Variants in PLXNA2 observed in about 807,000 individuals in gnomAD.
PLXNA2 encodes the protein plexin-A2.
PLXNA2 carries 91 observed loss-of-function variants against 193.5 expected under a neutral mutation model. That is an observed-to-expected ratio of 0.47 (90% CI 0.40 to 0.56). The LOEUF (loss-of-function observed/expected upper bound fraction) is 0.56. Among genes scored for constraint, PLXNA2 ranks in the 20% least tolerant of loss-of-function variants. The probability of loss-of-function intolerance (pLI) is 0.00; values close to 1 mark genes in which losing one functional copy is unlikely to be tolerated. For synonymous variants in PLXNA2, 997 were observed against 1,027.3 expected, an observed-to-expected ratio of 0.97 and a Z score of 0.56; for missense variants, 1,995 against 2,503.2, an observed-to-expected ratio of 0.80 and a Z score of 4.33.
intron 3 of PLXNA2, among the ~76,000 whole-genome samples, chr1:208,181,330 C>T (rs950548013): frequency 4.6e-5 from 7 of 152,180 alleles, no homozygotes; most frequent in Non-Finnish European, 1.0e-4. Context: ...TGTCTGTTCT[C>T]TGGTCTTTCC....
At chr1:208,140,998 T>C (rs1408389697) in intron 4 of PLXNA2, among the ~76,000 whole-genome samples, 1 of 152,212 alleles carries the variant, frequency 6.6e-6, no homozygotes. Context: ...TTTCCAAGAC[T>C]GTCTTACCCA....
intron 4 of PLXNA2, among the ~76,000 whole-genome samples, chr1:208,139,104 G>T (rs763876867): frequency 3.9e-5 from 6 of 152,204 alleles, no homozygotes; most frequent in Admixed American, 1.3e-4. Context: ...TTTTGGTTTA[G>T]TCTCAGGCCC....
intron 12 of PLXNA2, among the ~76,000 whole-genome samples, chr1:208,074,767 C>T (rs1338213752): frequency 6.6e-6 from 1 of 152,276 alleles, no homozygotes; most frequent in East Asian, 1.9e-4. Context: ...ATTCTGCCAC[C>T]CCCAACTGCC....
intron 29 of PLXNA2, chr1:208,030,781 C>T (rs979477182): frequency 1.2e-5 from 12 of 985,450 alleles, no homozygotes; most frequent in Non-Finnish European, 1.4e-5. Context: ...CCCCTCTCCC[C>T]TCTCTGTGCT....
intron 4 of PLXNA2, among the ~76,000 whole-genome samples, chr1:208,131,575 C>T (rs1462689608): frequency 6.6e-6 from 1 of 152,144 alleles, no homozygotes. Context: ...CTGGATAAGA[C>T]TTAAGATGGG....
At chr1:208,154,491 A>G (rs1300624172) in intron 3 of PLXNA2, among the ~76,000 whole-genome samples, 2 of 152,130 alleles carry the variant, frequency 1.3e-5, no homozygotes, top group Non-Finnish European at 2.9e-5. Context: ...ATCGCACCCA[A>G]AAAGTGGCAG....
intron 4 of PLXNA2, among the ~76,000 whole-genome samples, chr1:208,103,709 T>C (rs1470702011): frequency 2.0e-5 from 3 of 152,242 alleles, no homozygotes; most frequent in South Asian, 2.1e-4. Flanking sequence ...ATTCATAGTA[T>C]GGTACAGACT....
intron 3 of PLXNA2, among the ~76,000 whole-genome samples, chr1:208,149,582 A>G (rs528765616): frequency 3.3e-5 from 5 of 151,530 alleles, no homozygotes; most frequent in Non-Finnish European, 5.9e-5. Context: ...TGGTGTGTGT[A>G]TATTGTGTGT....
intron 3 of PLXNA2, among the ~76,000 whole-genome samples, chr1:208,156,427 A>C (rs1668944451): frequency 6.6e-6 from 1 of 151,812 alleles, no homozygotes; most frequent in African/African-American, 2.4e-5. Context: ...ATCTTATGTA[A>C]ATGATTTACA....
intron 1 of PLXNA2, among the ~76,000 whole-genome samples, chr1:208,240,083 T>C (rs1458685394): frequency 1.3e-5 from 2 of 152,230 alleles, no homozygotes; most frequent in African/African-American, 4.8e-5. Flanking sequence ...TTTGCACTGC[T>C]CAGGCCTCAG....
At position 208,038,983 on chromosome 1, in the gene PLXNA2, A is replaced by C. The variant is rs1664767533; in HGVS notation, c.4502T>G (p.Ile1501Ser). 6.2e-7 allele frequency: 1 copy of C among 1,613,586 alleles called. No homozygotes were observed. The highest frequency in any genetic ancestry group is 8.5e-7 in the Non-Finnish European group (1 of 1,179,742). ...IRQQIEYKTL[I>S]LNCVNPDNEN... ...GTTGTCAGGGTTGACGCAGTTCAGG[A>C]TCTACAAGTAGGGGACAGAGGGTGA... Residue 1501 changes from isoleucine to serine, a missense_variant and splice_region_variant, in exon 25 of 32, where the codon ATC becomes AGC. Physicochemically the swap from Ile to Ser is moderately radical, Grantham distance 142. This residue lies in a region of PLXNA2 where 1,291 missense variants were observed against 1,673.6 expected (regional missense o/e 0.77). Coordinates refer to ENST00000367033, the MANE Select transcript of PLXNA2 (RefSeq NM_025179.4). The surrounding 1 kb of genome is among the most constrained non-coding windows in gnomAD (Gnocchi z 4.1).
intron 4 of PLXNA2, among the ~76,000 whole-genome samples, chr1:208,124,286 G>T (rs921181328): frequency 2.6e-5 from 4 of 152,146 alleles, no homozygotes; most frequent in African/African-American, 9.7e-5. Context: ...TAGTACCTGG[G>T]TGATGAAATA....
chr1:208,163,843 C>A (rs1378708350), intron 3 of PLXNA2, among the ~76,000 whole-genome samples: 1 of 152,158 alleles, frequency 6.6e-6, no homozygotes, highest in African/African-American at 2.4e-5. Flanking sequence ...GAACACAGTG[C>A]CTGGCAAGTC....
chr1:208,118,227 T>C (rs1013011973), intron 4 of PLXNA2, among the ~76,000 whole-genome samples: 2 of 152,158 alleles, frequency 1.3e-5, no homozygotes, highest in African/African-American at 4.8e-5. Context: ...TAAAATTGTT[T>C]AAAAAAAGAA....
At position 208,216,927 on chromosome 1, in the gene PLXNA2, G is replaced by T. The variant is rs138609776; in HGVS notation, c.996C>A (p.Asp332Glu). The T allele has an allele frequency of 6.2e-7, 1 of 1,614,054 alleles. No individual in the cohort carries two copies. Among genetic ancestry groups the T allele is most frequent in the East Asian group, 2.2e-5 (1 of 44,896 alleles). The change falls in exon 2 of 32, where the codon GAC becomes GAA. Residue 332 changes from aspartate (D) to glutamate (E), a missense_variant. This residue lies in a region of PLXNA2 where 702 missense variants were observed against 812.9 expected (regional missense o/e 0.86). Coordinates refer to ENST00000367033, the MANE Select transcript of PLXNA2 (RefSeq NM_025179.4). Reference protein sequence around the residue: ...LAQAFNITSQDDVLFAIFSKG... With the variant: ...LAQAFNITSQEDVLFAIFSKG... ...TGGAGAAGATGGCAAAGAGTACATC[G>T]TCCTGGCTGGTGATATTGAAGGCCT...
intron 4 of PLXNA2, among the ~76,000 whole-genome samples, chr1:208,130,670 G>A (rs952779741): frequency 5.9e-5 from 9 of 152,092 alleles, no homozygotes; most frequent in Admixed American, 2.0e-4. Flanking sequence ...AGTGACTCTT[G>A]ATGATTGGCA....
chr1:208,103,363 T>C lies in PLXNA2; in HGVS notation c.1507-116A>G, dbSNP rs116030423. 2,282 of 753,462 alleles carry C rather than the reference T, an allele frequency of 3.0e-3. 12 individuals are homozygous for C. Among genetic ancestry groups the C allele is most frequent in the Non-Finnish European group, 4.1e-3 (1,935 of 472,926 alleles). 46.7% of individuals were successfully genotyped at this position (753,462 alleles called of 1,614,324 possible). On this transcript the variant is annotated intron_variant, in intron 4 of 31. Coordinates refer to ENST00000367033, the MANE Select transcript of PLXNA2 (RefSeq NM_025179.4). ...ACTGTCAACTCCCCTAAAGAGGTGATACTGGGCGGCAAGTCATGGCCTCAA... is the reference window on the plus strand; with the variant it reads ...ACTGTCAACTCCCCTAAAGAGGTGACACTGGGCGGCAAGTCATGGCCTCAA...
intron 4 of PLXNA2, among the ~76,000 whole-genome samples, chr1:208,124,967 T>C (rs1667929582): frequency 6.6e-6 from 1 of 152,090 alleles, no homozygotes; most frequent in African/African-American, 2.4e-5. Flanking sequence ...GACATTCGGG[T>C]ATAAACACTG....
intron 4 of PLXNA2, among the ~76,000 whole-genome samples, chr1:208,140,176 G>T (rs1243341617): frequency 6.6e-6 from 1 of 152,172 alleles, no homozygotes; most frequent in Non-Finnish European, 1.5e-5. Flanking sequence ...GATAAGCTGT[G>T]TGGACACTTG....
Sources: gnomAD v4.1 joint callset for allele counts (sites outside exome capture counted in the v4.1 genomes callset) on GRCh38, gnomAD v4.1.1 for gene constraint, gnomAD v4.1.1 regional missense constraint, Gnocchi (gnomAD v3.1) non-coding constraint, MANE v1.5 for transcripts, NCBI Gene and HGNC (gene_info 2026-07-23, HGNC 2026-07-21) for gene names.